The following CASK variants were observed in gnomAD, a reference collection of about 807,000 sequenced individuals.
CASK encodes calcium/calmodulin dependent serine protein kinase.
A neutral mutation model predicts 82.9 loss-of-function variants in CASK; 4 were observed. That is an observed-to-expected ratio of 0.05 (90% CI 0.02 to 0.11). CASK has a LOEUF of 0.11. Ranked by LOEUF, CASK falls within the 10% of genes least tolerant of loss-of-function variation. The pLI, the probability that CASK is intolerant of heterozygous loss-of-function variation, is 1.00. For missense variants in CASK, 358 were observed against 720.9 expected (o/e 0.50, Z 5.76); for synonymous variants, 259 against 253.5 (o/e 1.02, Z -0.20).
chrX:41,597,352 C>T (rs1000732336), intron 12 of CASK, among the ~76,000 whole-genome samples: 1 of 112,342 alleles, frequency 8.9e-6, no homozygotes. Flanking sequence ...TCATTAGCAA[C>T]CATCATCTTA....
chrX:41,662,066 C>T (rs1222340680), intron 7 of CASK, among the ~76,000 whole-genome samples: 1 of 111,438 alleles, frequency 9.0e-6, no homozygotes, highest in Admixed American at 9.6e-5. Flanking sequence ...ACAAGACAGT[C>T]CAACACAGGA....
chrX:41,854,930 A>G (rs1194032956), intron 1 of CASK, among the ~76,000 whole-genome samples: 1 of 112,245 alleles, frequency 8.9e-6, no homozygotes, highest in African/African-American at 3.2e-5. Context: ...TCCTGACAAT[A>G]GCAAGCAATT....
At chrX:41,659,376 C>T (rs1280838828) in intron 8 of CASK, among the ~76,000 whole-genome samples, 5 of 109,931 alleles carry the variant, frequency 4.5e-5, no homozygotes, top group African/African-American at 9.9e-5. Flanking sequence ...TACAGGCGCC[C>T]GCCACCACGC....
chrX:41,635,752 T>G (rs2066539992), intron 9 of CASK: 2 of 99,438 alleles, frequency 2.0e-5, no homozygotes, highest in South Asian at 9.8e-4. Flanking sequence ...GGGAGAGTAG[T>G]AAGAGGGAGA....
chrX:41,655,939 G>A (rs2066931718), intron 8 of CASK, among the ~76,000 whole-genome samples: 1 of 111,807 alleles, frequency 8.9e-6, no homozygotes, highest in African/African-American at 3.3e-5. Context: ...CAGAAGGGCA[G>A]TGGAAACCTG....
chrX:41,863,058 C>A (rs1249491898), intron 1 of CASK, among the ~76,000 whole-genome samples: 1 of 112,132 alleles, frequency 8.9e-6, no homozygotes. Context: ...AAGACATCAA[C>A]AACTGTCATT....
chrX:41,870,847 G>C (rs1272011231), intron 1 of CASK, among the ~76,000 whole-genome samples: 1 of 112,143 alleles, frequency 8.9e-6, no homozygotes, highest in Non-Finnish European at 1.9e-5. Context: ...AGAGCAGTAA[G>C]AACAAAGCCT....
At chrX:41,546,315 A>G (rs1418036298) in intron 21 of CASK, among the ~76,000 whole-genome samples, 5 of 110,349 alleles carry the variant, frequency 4.5e-5, no homozygotes, top group Non-Finnish European at 9.5e-5. Context: ...TTGCTATGTT[A>G]CCCAGGACAG....
chrX:41,790,549 C>A (rs2069693403), intron 2 of CASK, among the ~76,000 whole-genome samples: 1 of 111,756 alleles, frequency 8.9e-6, no homozygotes, highest in Non-Finnish European at 1.9e-5. Context: ...CCTACCCACT[C>A]TCAAAATAAA....
rs111770336 is a variant in CASK, at chrX:41,830,676, C to T, written c.172+22439G>A. ...TCTACTAAAAATACAAAAAATTAGC[C>T]GGGCGTGGTGGCGGGTGCCTGTAGT... On this transcript the variant is annotated intron_variant, in intron 2 of 26. Coordinates refer to ENST00000378163, the MANE Select transcript of CASK (RefSeq NM_001367721.1). Among the ~76,000 whole-genome samples, 189 of 107,814 alleles carry T rather than the reference C, an allele frequency of 1.8e-3. 3 individuals carry two copies. Among genetic ancestry groups the T allele is most frequent in the Admixed American group, 0.016 (163 of 10,201 alleles). 93.6% of individuals were successfully genotyped at this position (107,814 alleles called of 115,157 possible). A position where few individuals can be genotyped will look rare whatever the true frequency, so the allele number is the denominator to read the frequency against.
At chrX:41,763,648 T>G (rs1018906373) in intron 3 of CASK, among the ~76,000 whole-genome samples, 7 of 111,201 alleles carry the variant, frequency 6.3e-5, no homozygotes, top group Non-Finnish European at 1.3e-4. Context: ...GGAGACAGAG[T>G]GGGACCCTGT....
rs529930595 is a variant in CASK at position 41,846,724 on chromosome X, T to C, written c.172+6391A>G. On this transcript the variant is annotated intron_variant, in intron 2 of 26. Coordinates refer to ENST00000378163, the MANE Select transcript of CASK (RefSeq NM_001367721.1). ...GACCTATAAATATATATACCTACTA[T>C]GTACCCATAAACATTAAAAATTAAA... Among the ~76,000 whole-genome samples the C allele has an allele frequency of 3.6e-5, 4 of 111,693 alleles. No homozygotes were observed. In the South Asian group the frequency reaches 1.1e-3, roughly 31 times the overall value.
At chrX:41,805,509 C>G (rs1445659163) in intron 2 of CASK, among the ~76,000 whole-genome samples, 3 of 111,778 alleles carry the variant, frequency 2.7e-5, no homozygotes, top group African/African-American at 9.8e-5. Context: ...GTTTCCTTCT[C>G]TAAGAAAACT....
At chrX:41,822,328 C>T (rs1018790207) in intron 2 of CASK, among the ~76,000 whole-genome samples, 2 of 110,163 alleles carry the variant, frequency 1.8e-5, no homozygotes, top group East Asian at 2.8e-4. Context: ...GAGGCCGAGG[C>T]GGGCGGACTG....
intron 1 of CASK, among the ~76,000 whole-genome samples, chrX:41,881,933 G>A (rs2071960769): frequency 9.0e-6 from 1 of 110,917 alleles, no homozygotes; most frequent in South Asian, 3.8e-4. Flanking sequence ...GGTAACCCTG[G>A]GCAAGTGGCT....
chrX:41,751,342 GC>G (rs1170945792), intron 3 of CASK, among the ~76,000 whole-genome samples: 1 of 111,442 alleles, frequency 9.0e-6, no homozygotes, highest in Non-Finnish European at 1.9e-5. Flanking sequence ...TTTTGCTTGG[GC>G]CTCTCATCTT....
intron 5 of CASK, among the ~76,000 whole-genome samples, chrX:41,686,804 G>C (rs963534088): frequency 8.9e-6 from 1 of 112,005 alleles, no homozygotes; most frequent in Non-Finnish European, 1.9e-5. Context: ...AAAGAGAACA[G>C]TGATATCAGT....
intron 14 of CASK, 94 bp downstream of exon 14, chrX:41,586,813 C>T: frequency 1.8e-6 from 1 of 555,396 alleles, no homozygotes; most frequent in Non-Finnish European, 3.1e-6. Flanking sequence ...GATAAAAATG[C>T]ATGAGATGAA....
At chrX:41,552,093 A>ATTTTTTT in intron 21 of CASK, among the ~76,000 whole-genome samples, 1 of 91,990 alleles carries the variant, frequency 1.1e-5, no homozygotes, top group Non-Finnish European at 2.2e-5. Flanking sequence ...CACCTGGCTA[A>ATTTTTTT]TTTTTTTTTT....
Sources: allele counts gnomAD v4.1 joint callset (sites outside exome capture counted in the v4.1 genomes callset), GRCh38; gene constraint gnomAD v4.1.1; transcripts MANE v1.5; gene names NCBI Gene and HGNC (gene_info 2026-07-23, HGNC 2026-07-21).